Variants in UNC79 observed in about 807,000 individuals in gnomAD.
The protein encoded by UNC79 is protein unc-79 homolog.
UNC79 carries 37 observed loss-of-function variants against 283.1 expected under a neutral mutation model. That is an observed-to-expected ratio of 0.13 (90% CI 0.10 to 0.17). The LOEUF (loss-of-function observed/expected upper bound fraction) is 0.17, where lower values mean the gene tolerates loss of function less well. Among genes scored for constraint, UNC79 ranks in the 10% least tolerant of loss-of-function variants. UNC79 has a pLI of 1.00. For synonymous variants in UNC79, 1,107 were observed against 1,200.2 expected (o/e 0.92, Z 1.61); for missense variants, 2,272 against 3,211.1 (o/e 0.71, Z 7.07).
At chr14:93,579,016 A>G (rs374030691) in intron 18 of UNC79, among the ~76,000 whole-genome samples, 2 of 152,038 alleles carry the variant, frequency 1.3e-5, no homozygotes, top group East Asian at 1.9e-4. Flanking sequence ...GTCTATACTT[A>G]TGGGGCCTTG....
rs2067107150 is a variant in UNC79 at position 93,621,229 on chromosome 14, G to A, written c.4388-392G>A. ...GTGAATCGACAGATACATCATTAAT[G>A]TCATGATCGTCTTTGAGAGCCATTG... On this transcript the variant is annotated intron_variant, in intron 29 of 48. Transcript: ENST00000555664. This position sits in a 1 kb window ranked among gnomAD's most constrained non-coding sequence, Gnocchi z 4.8. Among the ~76,000 whole-genome samples, 2 of 152,062 alleles carry A rather than the reference G, an allele frequency of 1.3e-5. No individual in the cohort carries two copies. Among genetic ancestry groups the A allele is most frequent in the East Asian group, 1.9e-4 (1 of 5,184 alleles).
chr14:93,446,219 A>T (rs2056454349), intron 1 of UNC79, among the ~76,000 whole-genome samples: 1 of 152,068 alleles, frequency 6.6e-6, no homozygotes, highest in Admixed American at 6.6e-5. Flanking sequence ...TATATTATTA[A>T]TTTGAAATCT....
intron 20 of UNC79, among the ~76,000 whole-genome samples, chr14:93,585,883 C>CTTTTT (rs1233052037): frequency 1.4e-5 from 2 of 138,238 alleles, no homozygotes; most frequent in Admixed American, 7.3e-5. Flanking sequence ...CTCTCTCTCT[C>CTTTTT]TTTTTTTTTT....
chr14:93,653,543 A>G (rs1199240052), intron 35 of UNC79, among the ~76,000 whole-genome samples, 199 bp from the exon 39 acceptor site: 2 of 152,244 alleles, frequency 1.3e-5, no homozygotes, highest in African/African-American at 2.4e-5. Context: ...CTACACTGGC[A>G]TTTCATGGTT....
chr14:93,603,455 T>G, intron 26 of UNC79, 37 bp downstream of exon 26: 1 of 1,601,298 alleles, frequency 6.2e-7, no homozygotes, highest in Non-Finnish European at 8.5e-7. Flanking sequence ...TTAAATCTGT[T>G]TAATGTCTTT....
At chr14:93,679,515 A>G (rs2073655471) in intron 41 of UNC79, among the ~76,000 whole-genome samples, 1 of 152,176 alleles carries the variant, frequency 6.6e-6, no homozygotes, top group Non-Finnish European at 1.5e-5. Flanking sequence ...TCTGTGGGGT[A>G]TACCTGCATA....
At chr14:93,622,226 G>T (rs1255238679) in exon 30 of UNC79, 1 of 1,614,130 alleles carries the variant, frequency 6.2e-7, no homozygotes, top group Admixed American at 1.7e-5. Flanking sequence ...TAAAAATGCT[G>T]CCTCTTCTCC....
At chr14:93,591,718 G>C (rs748580313) in intron 22 of UNC79, among the ~76,000 whole-genome samples, 1 of 152,252 alleles carries the variant, frequency 6.6e-6, no homozygotes, top group Non-Finnish European at 1.5e-5. Context: ...CTTTCTGGGA[G>C]CACTTCCAGC....
chr14:93,424,132 A>G (rs1275202774), intron 1 of UNC79, among the ~76,000 whole-genome samples: 1 of 152,248 alleles, frequency 6.6e-6, no homozygotes, highest in African/African-American at 2.4e-5. Context: ...ATCATTGATC[A>G]TTAGATAAAT....
intron 22 of UNC79, 108 bp downstream of exon 22, chr14:93,587,016 AGGACAGC>A (rs2064268730): frequency 4.6e-5 from 63 of 1,381,760 alleles, no homozygotes; most frequent in Non-Finnish European, 5.9e-5. Flanking sequence ...TTTTTGAGCC[AGGACAGC>A]TCGATTGCCT....
chr14:93,383,697 TA>T (rs1053058422), intron 1 of UNC79, among the ~76,000 whole-genome samples: 5 of 151,944 alleles, frequency 3.3e-5, no homozygotes, highest in Admixed American at 6.6e-5. Flanking sequence ...GGCAAGTACT[TA>T]AAAAAAACTT....
At chr14:93,593,910 G>T in intron 23 of UNC79, 73 bp downstream of exon 23, 2 of 1,451,072 alleles carry the variant, frequency 1.4e-6, no homozygotes, top group South Asian at 3.0e-5. Context: ...CATCTTTTTT[G>T]GCACCTCCTT....
intron 18 of UNC79, 56 bp from the exon 19 acceptor site, chr14:93,580,093 C>A: frequency 6.7e-7 from 1 of 1,482,686 alleles, no homozygotes; most frequent in Non-Finnish European, 9.1e-7. Context: ...CAAACTCCTT[C>A]TTCTTCTTTT....
chr14:93,510,164 T>C (rs536565556), intron 7 of UNC79, among the ~76,000 whole-genome samples: 1 of 152,290 alleles, frequency 6.6e-6, no homozygotes, highest in African/African-American at 2.4e-5. Flanking sequence ...CAGAGAACAG[T>C]GTCCTGAGGT....
intron 1 of UNC79, among the ~76,000 whole-genome samples, chr14:93,393,749 T>C (rs978159341): frequency 2.6e-5 from 4 of 152,180 alleles, no homozygotes; most frequent in African/African-American, 9.6e-5. Flanking sequence ...TCAAGTATTC[T>C]TTTCCTTCTG....
intron 41 of UNC79, among the ~76,000 whole-genome samples, chr14:93,676,187 G>A (rs1206818316): frequency 6.6e-6 from 1 of 152,152 alleles, no homozygotes; most frequent in East Asian, 1.9e-4. Flanking sequence ...CTCTGATGTA[G>A]CTGGGACTAC....
upstream of UNC79, among the ~76,000 whole-genome samples, chr14:93,427,626 T>G (rs1485552343): frequency 6.6e-6 from 1 of 152,096 alleles, no homozygotes; most frequent in Non-Finnish European, 1.5e-5. Flanking sequence ...ATTTTTTGTC[T>G]TTCCACTAGA....
intron 11 of UNC79, among the ~76,000 whole-genome samples, chr14:93,535,863 A>T (rs1567067904): frequency 1.3e-5 from 2 of 152,184 alleles, no homozygotes; most frequent in African/African-American, 4.8e-5. Flanking sequence ...TGGTTGAAGC[A>T]GTTGCAAGCC....
At chr14:93,626,993 G>A (rs754984684) in intron 30 of UNC79, among the ~76,000 whole-genome samples, 1 of 152,142 alleles carries the variant, frequency 6.6e-6, no homozygotes, top group Non-Finnish European at 1.5e-5. Context: ...AGGCTGTAGT[G>A]TGCTATGATT....
Sources: gnomAD v4.1 joint callset for allele counts (sites outside exome capture counted in the v4.1 genomes callset) on GRCh38, gnomAD v4.1.1 for gene constraint, Gnocchi (gnomAD v3.1) non-coding constraint, MANE v1.5 for transcripts, NCBI Gene and HGNC (gene_info 2026-07-23, HGNC 2026-07-21) for gene names.